CSMD1: variants seen among roughly 807,000 people sequenced by gnomAD.
CSMD1 encodes the protein CUB and Sushi multiple domains 1, also known as CUB and sushi domain-containing protein 1.
A neutral mutation model predicts 417.5 loss-of-function variants in CSMD1; 213 were observed. That is an observed-to-expected ratio of 0.51 (90% CI 0.46 to 0.57). CSMD1 has a LOEUF of 0.57. Among genes scored for constraint, CSMD1 ranks in the 20% least tolerant of loss-of-function variants. The pLI is 0.00. For synonymous variants in CSMD1, 2,862 were observed against 1,736.8 expected, an observed-to-expected ratio of 1.65 and a Z score of -16.11; for missense variants, 6,923 against 4,529.7, an observed-to-expected ratio of 1.53 and a Z score of -15.17.
intron 3 of CSMD1, among the ~76,000 whole-genome samples, chr8:4,038,201 T>G (rs1563349042): frequency 6.6e-6 from 1 of 152,158 alleles, no homozygotes; most frequent in African/African-American, 2.4e-5. Context: ...CAACAAATTT[T>G]CTTTTTAAAA....
chr8:4,182,616 C>A (rs77309913), intron 3 of CSMD1, among the ~76,000 whole-genome samples: 69 of 152,186 alleles, frequency 4.5e-4, no homozygotes, highest in East Asian at 4.1e-3. Flanking sequence ...TTATGGACAA[C>A]AGTGTTTATC....
intron 17 of CSMD1, among the ~76,000 whole-genome samples, chr8:3,390,348 C>CT (rs1488605922): frequency 1.1e-5 from 1 of 87,886 alleles, no homozygotes; most frequent in African/African-American, 4.5e-5. Flanking sequence ...GAGCAAGACT[C>CT]TGTCTCAAAA....
At chr8:3,588,452 G>T (rs576321655) in intron 8 of CSMD1, among the ~76,000 whole-genome samples, 9 of 152,214 alleles carry the variant, frequency 5.9e-5, no homozygotes, top group African/African-American at 7.2e-5. Flanking sequence ...CTGATATTCA[G>T]TGTAATATTC....
chr8:3,202,341 C>T (rs1797033619), intron 31 of CSMD1, among the ~76,000 whole-genome samples: 1 of 152,200 alleles, frequency 6.6e-6, no homozygotes, highest in Non-Finnish European at 1.5e-5. Flanking sequence ...TTGCCGTATT[C>T]ATACACACTG....
intron 41 of CSMD1, among the ~76,000 whole-genome samples, chr8:3,130,207 C>T (rs923597434): frequency 3.3e-5 from 5 of 152,034 alleles, no homozygotes; most frequent in South Asian, 4.1e-4. Context: ...ATGATGATCA[C>T]GGAGGAAGTG....
intron 3 of CSMD1, among the ~76,000 whole-genome samples, chr8:4,175,369 G>A (rs752090604): frequency 6.6e-6 from 1 of 151,970 alleles, no homozygotes. Context: ...AACAGTGTTG[G>A]GCTCTAGTCT....
Position 3,440,548 on chromosome 8 carries a change from G to A in CSMD1, c.1561+28164C>T, listed in dbSNP as rs374797495. On this transcript the variant is annotated intron_variant, in intron 12 of 69. Transcript: ENST00000635120. ...TTCTTGGCTCTAAGAGTTTATCTGT[G>A]AATTCTTTGGGAAATTCTATCTAGA... Among the ~76,000 whole-genome samples, 92 of 152,284 alleles carry A rather than the reference G, an allele frequency of 6.0e-4. No homozygotes were observed. In the East Asian group the frequency reaches 0.015, roughly 25 times the overall value.
At chr8:3,144,604 T>C (rs978852716) in intron 40 of CSMD1, among the ~76,000 whole-genome samples, 1 of 152,020 alleles carries the variant, frequency 6.6e-6, no homozygotes, top group African/African-American at 2.4e-5. Context: ...TCGTCTGCTG[T>C]ATATAATCAA....
At position 3,408,389 on chromosome 8, in the gene CSMD1, T is replaced by C. The variant is rs376020660; in HGVS notation, c.1745-164A>G. Among the ~76,000 whole-genome samples the C allele has an allele frequency of 2.0e-5, 3 of 152,208 alleles. No individual in the cohort carries two copies. In the South Asian group the frequency reaches 6.2e-4, roughly 32 times the overall value. On this transcript the variant is annotated intron_variant, in intron 13 of 69. Coordinates refer to ENST00000635120, the MANE Select transcript of CSMD1 (RefSeq NM_033225.6). ...ATTCTGGACCATAATGTTTTCTCCT[T>C]TCCTAATTTGTAAGTCGAATATTTC...
chr8:3,021,975 G>A lies in CSMD1; in HGVS notation c.7856-3325C>T, dbSNP rs548924431. Among the ~76,000 whole-genome samples, 3 of 147,898 alleles carry A rather than the reference G, an allele frequency of 2.0e-5. No individual in the cohort carries two copies. In the South Asian group the frequency reaches 6.4e-4, roughly 32 times the overall value. On this transcript the variant is annotated intron_variant, in intron 51 of 69. Transcript: ENST00000635120. Reference sequence around the variant, plus strand: ...ATCCCACAGCATCTGGAATGCACCTGCAATCCCACAGCATCAGGAATGCAC... The same window carrying A: ...ATCCCACAGCATCTGGAATGCACCTACAATCCCACAGCATCAGGAATGCAC...
At chr8:3,384,780 T>TAATATTATATA (rs1563333166) in intron 18 of CSMD1, among the ~76,000 whole-genome samples, 2 of 121,670 alleles carry the variant, frequency 1.6e-5, no homozygotes, top group Non-Finnish European at 3.2e-5. Context: ...TATATTTATA[T>TAATATTATATA]AATATATATT....
chr8:4,725,438 C>A (rs1258237355), intron 1 of CSMD1, among the ~76,000 whole-genome samples: 1 of 152,122 alleles, frequency 6.6e-6, no homozygotes, highest in East Asian at 1.9e-4. Flanking sequence ...TTGTTGTTCT[C>A]CATTTCTATT....
At chr8:2,979,658 AC>A in intron 54 of CSMD1, among the ~76,000 whole-genome samples, 1 of 152,290 alleles carries the variant, frequency 6.6e-6, no homozygotes, top group Admixed American at 6.5e-5. Context: ...CTGAAGACAA[AC>A]CCTGTACCCA....
Position 3,958,320 on chromosome 8 carries a change from CT to C in CSMD1, c.818+39582del, listed in dbSNP as rs74275212. On this transcript the variant is annotated intron_variant, in intron 5 of 69. Coordinates refer to ENST00000635120, the MANE Select transcript of CSMD1 (RefSeq NM_033225.6). ...AAAGTTTCATTTTTTTAAACTCTCT[CT>C]TTTTTTTTTTTTTTTCCAACTTGCT... Among the ~76,000 whole-genome samples, 162 of 14,696 alleles carry C rather than the reference CT, an allele frequency of 0.011. 3 individuals are homozygous for C. The South Asian group carries it at 0.2, about 19-fold the overall frequency. 9.6% of individuals were successfully genotyped at this position (14,696 alleles called of 152,430 possible). A position where few individuals can be genotyped will look rare whatever the true frequency, so the allele number is the denominator to read the frequency against.
chr8:4,204,571 A>G (rs867729260), intron 3 of CSMD1, among the ~76,000 whole-genome samples: 5 of 152,206 alleles, frequency 3.3e-5, no homozygotes, highest in Non-Finnish European at 7.3e-5. Context: ...CTATACTGAG[A>G]GGAAGATTCA....
intron 39 of CSMD1, among the ~76,000 whole-genome samples, chr8:3,153,427 G>T (rs1046875238): frequency 6.6e-6 from 1 of 152,106 alleles, no homozygotes; most frequent in East Asian, 1.9e-4. Flanking sequence ...CTACGGATTC[G>T]TCCTGAATTC....
chr8:3,803,891 A>G (rs1486583145), intron 5 of CSMD1, among the ~76,000 whole-genome samples: 3 of 152,152 alleles, frequency 2.0e-5, no homozygotes, highest in African/African-American at 7.2e-5. Context: ...TTGAGTGACA[A>G]TAGCAGACAA....
chr8:4,591,332 G>C lies in CSMD1; in HGVS notation c.302+46010C>G, dbSNP rs376585249. ...AAGTGAGTAATTCTTTCTGGTCTAG[G>C]TCAGACAAAATTCACAGACAAACTA... On this transcript the variant is annotated intron_variant, in intron 2 of 69. Transcript: ENST00000635120. 3.3e-5 allele frequency among the ~76,000 whole-genome samples: 5 copies of C among 152,290 alleles called. No individual in the cohort carries two copies. In the South Asian group the frequency reaches 6.2e-4, roughly 19 times the overall value.
At chr8:4,145,804 G>C (rs1042303286) in intron 3 of CSMD1, among the ~76,000 whole-genome samples, 3 of 151,104 alleles carry the variant, frequency 2.0e-5, no homozygotes, top group Non-Finnish European at 2.9e-5. Context: ...TTTTCTGTAT[G>C]AGGAATGCAA....
Sources: gnomAD v4.1 joint callset for allele counts (sites outside exome capture counted in the v4.1 genomes callset) on GRCh38, gnomAD v4.1.1 for gene constraint, MANE v1.5 for transcripts, NCBI Gene and HGNC (gene_info 2026-07-23, HGNC 2026-07-21) for gene names.